COL25A1: variants seen among roughly 807,000 people sequenced by gnomAD.
COL25A1 encodes collagen alpha-1(XXV) chain.
A neutral mutation model predicts 128.4 loss-of-function variants in COL25A1; 103 were observed. That is an observed-to-expected ratio of 0.80 (90% CI 0.68 to 0.94). The LOEUF (loss-of-function observed/expected upper bound fraction) is 0.94. COL25A1 is among the 40% of genes least tolerant of loss of function. The pLI is 0.00. For synonymous variants in COL25A1, 279 were observed against 277.2 expected, an observed-to-expected ratio of 1.01 and a Z score of -0.06; for missense variants, 745 against 840.0, an observed-to-expected ratio of 0.89 and a Z score of 1.40.
Position 108,969,322 on chromosome 4 carries a change from T to C in COL25A1, c.492+5045A>G, listed in dbSNP as rs146486100. Among the ~76,000 whole-genome samples the C allele has an allele frequency of 4.4e-4, 67 of 152,326 alleles. 1 individual carries two copies. In the East Asian group the frequency reaches 7.7e-3, roughly 18 times the overall value. On this transcript the variant is annotated intron_variant, in intron 8 of 37. Transcript: ENST00000399132. Reference sequence around the variant, plus strand: ...CATAGGGAAAATGTTGCTTTCTTGATTCAGACTCTTTCCTCTCTATCCTTC... The same window carrying C: ...CATAGGGAAAATGTTGCTTTCTTGACTCAGACTCTTTCCTCTCTATCCTTC...
intron 3 of COL25A1, among the ~76,000 whole-genome samples, chr4:109,139,692 C>T (rs1770192126): frequency 6.6e-6 from 1 of 151,896 alleles, no homozygotes; most frequent in Non-Finnish European, 1.5e-5. Context: ...TATTATTATA[C>T]TTTAAGTTTT....
intron 3 of COL25A1, among the ~76,000 whole-genome samples, chr4:109,059,599 A>G (rs1366307075): frequency 1.3e-5 from 2 of 152,224 alleles, no homozygotes; most frequent in Non-Finnish European, 2.9e-5. Context: ...TCTATTTTAC[A>G]AAGTTAAAAA....
chr4:109,097,714 A>G (rs1765526340), intron 3 of COL25A1, among the ~76,000 whole-genome samples: 1 of 135,734 alleles, frequency 7.4e-6, no homozygotes, highest in African/African-American at 2.9e-5. Context: ...CCCAGGCTGG[A>G]GTGCAGTGGC....
chr4:109,083,462 T>TAA (rs1560659352), intron 3 of COL25A1, among the ~76,000 whole-genome samples: 1 of 124,110 alleles, frequency 8.1e-6, no homozygotes, highest in Admixed American at 8.5e-5. Context: ...TTTTTTTTTT[T>TAA]TTTTTTTTTT....
Position 109,186,590 on chromosome 4 carries a change from AG to A in COL25A1, c.367+113992del, listed in dbSNP as rs796610411. Among the ~76,000 whole-genome samples the A allele has an allele frequency of 6.2e-4, 95 of 152,308 alleles. 1 individual carries two copies. The highest frequency in any genetic ancestry group is 2.2e-3 in the African/African-American group (93 of 41,576). ...TTCAGGAATTCTTGAAAATCCAAAA[AG>A]GTCACTGAAGACATTGGAAGCCCTT... On this transcript the variant is annotated intron_variant, in intron 3 of 37. Transcript: ENST00000399132.
At chr4:109,264,072 T>A (rs1277024211) in intron 3 of COL25A1, among the ~76,000 whole-genome samples, 1 of 152,218 alleles carries the variant, frequency 6.6e-6, no homozygotes, top group Non-Finnish European at 1.5e-5. Flanking sequence ...CAAAATTCTA[T>A]GAAATTCGGA....
chr4:108,818,931 G>C (rs1731505716), intron 36 of COL25A1, among the ~76,000 whole-genome samples: 1 of 151,660 alleles, frequency 6.6e-6, no homozygotes, highest in Non-Finnish European at 1.5e-5. Context: ...GTCTAGCAGT[G>C]TCTTTGCATC....
At chr4:109,125,963 G>T in intron 3 of COL25A1, among the ~76,000 whole-genome samples, 1 of 152,126 alleles carries the variant, frequency 6.6e-6, no homozygotes, top group East Asian at 1.9e-4. Context: ...TAAAAGGTGG[G>T]AAGAGATATA....
At chr4:109,013,783 C>A (rs4085274) in intron 5 of COL25A1, among the ~76,000 whole-genome samples, 1 of 151,952 alleles carries the variant, frequency 6.6e-6, no homozygotes, top group Non-Finnish European at 1.5e-5. Flanking sequence ...TAAGCACGTC[C>A]GAACATCAGA....
At chr4:109,045,076 C>A (rs1374986209) in intron 5 of COL25A1, among the ~76,000 whole-genome samples, 1 of 152,138 alleles carries the variant, frequency 6.6e-6, no homozygotes, top group Non-Finnish European at 1.5e-5. Flanking sequence ...TTGTGATGAT[C>A]CACTTCTACT....
At chr4:109,268,128 C>A (rs887206334) in intron 3 of COL25A1, among the ~76,000 whole-genome samples, 1 of 152,078 alleles carries the variant, frequency 6.6e-6, no homozygotes, top group Non-Finnish European at 1.5e-5. Context: ...TGAATATCTG[C>A]AATATATTAT....
chr4:109,164,329 T>C (rs1772863693), intron 3 of COL25A1, among the ~76,000 whole-genome samples: 1 of 152,292 alleles, frequency 6.6e-6, no homozygotes, highest in Middle Eastern at 3.4e-3. Context: ...CCTAAAAGAA[T>C]GCAGAGAAGA....
intron 18 of COL25A1, among the ~76,000 whole-genome samples, chr4:108,886,492 G>T (rs28429151): frequency 0.16 from 17,304 of 108,818 alleles, 1,634 homozygotes; most frequent in East Asian, 0.22. Context: ...GTGTGTGTGT[G>T]TTTAGCTCAT....
At chr4:109,041,581 G>A (rs988026599) in intron 5 of COL25A1, among the ~76,000 whole-genome samples, 1 of 152,076 alleles carries the variant, frequency 6.6e-6, no homozygotes, top group African/African-American at 2.4e-5. Flanking sequence ...GGGCAGTGGA[G>A]ACTGGCTCTT....
intron 3 of COL25A1, among the ~76,000 whole-genome samples, chr4:109,165,497 C>T (rs979089151): frequency 1.3e-5 from 2 of 152,198 alleles, no homozygotes; most frequent in African/African-American, 4.8e-5. Context: ...AGGAGGCTCA[C>T]TGGAGACCAC....
chr4:109,192,259 C>T (rs925717121), intron 3 of COL25A1, among the ~76,000 whole-genome samples: 3 of 152,022 alleles, frequency 2.0e-5, no homozygotes, highest in African/African-American at 4.8e-5. Flanking sequence ...AAAAAGATCT[C>T]GGCATTAAAG....
intron 3 of COL25A1, among the ~76,000 whole-genome samples, chr4:109,272,640 G>A (rs1782270735): frequency 6.6e-6 from 1 of 152,176 alleles, no homozygotes; most frequent in Admixed American, 6.5e-5. Context: ...CACTGTGGGA[G>A]TTAGAGAGGC....
chr4:109,145,358 T>C (rs372262434), intron 3 of COL25A1, among the ~76,000 whole-genome samples: 12 of 152,198 alleles, frequency 7.9e-5, no homozygotes, highest in African/African-American at 2.4e-4. Context: ...TGAGCCACCG[T>C]GCCCGGCCAA....
intron 6 of COL25A1, among the ~76,000 whole-genome samples, chr4:108,990,227 AAAAAAAAAAAAAATATATATATAT>A (rs1480061601): frequency 1.4e-4 from 10 of 70,472 alleles, no homozygotes; most frequent in African/African-American, 4.6e-4. Flanking sequence ...AAAAAAAAAA[AAAAAAAAAAAAAATATATATATAT>A]ATATATATAT....
Sources: gnomAD v4.1 joint callset for allele counts (sites outside exome capture counted in the v4.1 genomes callset) on GRCh38, gnomAD v4.1.1 for gene constraint, MANE v1.5 for transcripts, NCBI Gene and HGNC (gene_info 2026-07-23, HGNC 2026-07-21) for gene names.